Variants in PCDHGC5 observed in about 807,000 individuals in gnomAD.
The protein encoded by PCDHGC5 is protocadherin gamma-C5.
PCDHGC5 carries 25 observed loss-of-function variants against 59.0 expected under a neutral mutation model. The ratio of observed to expected loss-of-function variants is 0.42; its 90% CI spans 0.31 to 0.59. The LOEUF (loss-of-function observed/expected upper bound fraction) is 0.59. PCDHGC5 is among the 20% of genes least tolerant of loss of function. The pLI, the probability that PCDHGC5 is intolerant of heterozygous loss-of-function variation, is 0.13. For synonymous variants in PCDHGC5, 434 were observed against 505.5 expected (o/e 0.86, Z 1.90); for missense variants, 1,067 against 1,206.4 (o/e 0.88, Z 1.71).
intron 2 of PCDHGC5, among the ~76,000 whole-genome samples, chr5:141,499,689 CTTTTTT>C (rs545067566): frequency 3.3e-5 from 4 of 119,854 alleles, no homozygotes; most frequent in Admixed American, 8.7e-5. Flanking sequence ...TAACAGATGA[CTTTTTT>C]TTTTTTTTTT....
chr5:141,494,985 C>A, intron 2 of PCDHGC5, 120 bp downstream of exon 2: 1 of 1,559,680 alleles, frequency 6.4e-7, no homozygotes. Context: ...AGTTTGAGAT[C>A]CCAGGGAGGT....
At chr5:141,507,183 C>T (rs2099859036) in intron 3 of PCDHGC5, 1 of 152,428 alleles carries the variant, frequency 6.6e-6, no homozygotes, top group Non-Finnish European at 1.5e-5. Flanking sequence ...TCCTCGAGCT[C>T]TGCTTTATTC....
chr5:141,491,802 G>C lies in PCDHGC5; in HGVS notation c.2460+102G>C, dbSNP rs759587995. 1 of 1,497,480 alleles carries C rather than the reference G, an allele frequency of 6.7e-7. No homozygotes were observed. The highest frequency in any genetic ancestry group is 1.3e-5 in the South Asian group (1 of 74,938). The allele number at this position is 1,497,480 out of a possible 1,614,324, so 92.8% of individuals were successfully genotyped here. A position where few individuals can be genotyped will look rare whatever the true frequency, so the allele number is the denominator to read the frequency against. On this transcript the variant is annotated intron_variant, in intron 1 of 3. Coordinates refer to ENST00000252087, the MANE Select transcript of PCDHGC5 (RefSeq NM_018929.3). The surrounding 1 kb of genome is among the most constrained non-coding windows in gnomAD (Gnocchi z 6.9). ...ACTTGCATCCACTCCTCTCCGGCCG[G>C]CTTGGTCGCTGGCTGCGCTCCACCC...
chr5:141,495,977 T>C (rs2099765025), intron 2 of PCDHGC5, among the ~76,000 whole-genome samples: 1 of 152,174 alleles, frequency 6.6e-6, no homozygotes, highest in Admixed American at 6.5e-5. Flanking sequence ...TCTGTTACTC[T>C]TTCTTTATCT....
chr5:141,490,313 C>G lies in PCDHGC5; in HGVS notation c.1073C>G (p.Pro358Arg). The G allele has an allele frequency of 6.2e-7, 1 of 1,614,222 alleles. No individual in the cohort carries two copies. The highest frequency in any genetic ancestry group is 8.5e-7 in the Non-Finnish European group (1 of 1,180,024). ...PEVLLASLAN[P>R]VLESTPVGTV... Reference sequence around the variant, plus strand: ...GTGCTATTGGCCTCTTTGGCCAACCCTGTCCTAGAGAGCACACCAGTGGGC... The same window carrying G: ...GTGCTATTGGCCTCTTTGGCCAACCGTGTCCTAGAGAGCACACCAGTGGGC... Residue 358 changes from proline to arginine, a missense_variant, in exon 1 of 4, where the codon CCT (proline) becomes CGT (arginine). Pro to Arg is a moderately radical substitution (Grantham distance 103). Transcript: ENST00000252087. The surrounding 1 kb of genome is among the most constrained non-coding windows in gnomAD (Gnocchi z 5.4).
Position 141,498,971 on chromosome 5 carries a change from GGGAAGGAAGGAAGGAAGGAAGGAA to G in PCDHGC5, c.2519+4140_2519+4163del, listed in dbSNP as rs201769957. 5.1e-3 allele frequency among the ~76,000 whole-genome samples: 569 copies of G among 111,048 alleles called. 6 individuals carry two copies. Among genetic ancestry groups the G allele is most frequent in the South Asian group, 0.024 (65 of 2,658 alleles). 72.9% of individuals were successfully genotyped at this position (111,048 alleles called of 152,430 possible). A position where few individuals can be genotyped will look rare whatever the true frequency, so the allele number is the denominator to read the frequency against. On this transcript the variant is annotated intron_variant, in intron 2 of 3. Coordinates refer to ENST00000252087, the MANE Select transcript of PCDHGC5 (RefSeq NM_018929.3). ...AAAAAGAGAGAGAGGGAGGGAGGGA[GGGAAGGAAGGAAGGAAGGAAGGAA>G]GGAAGGAAGGAAGGAAGGAAGGAAG...
Position 141,511,409 on chromosome 5 carries a change from G to C in PCDHGC5, c.*236G>C, listed in dbSNP as rs999907393. On this transcript the variant is annotated 3_prime_UTR_variant, in exon 4 of 4. Coordinates refer to ENST00000252087, the MANE Select transcript of PCDHGC5 (RefSeq NM_018929.3). Reference sequence around the variant, plus strand: ...GGGAACCCCCATCCAATCAACTGCTGTACCCATGGGGGTAGTGGGGTTACT... The same window carrying C: ...GGGAACCCCCATCCAATCAACTGCTCTACCCATGGGGGTAGTGGGGTTACT... The C allele has an allele frequency of 1.1e-6, 1 of 908,516 alleles. No homozygotes were observed. The highest frequency in any genetic ancestry group is 1.7e-5 in the African/African-American group (1 of 59,504). The allele number at this position is 908,516 out of a possible 1,614,324, so 56.3% of individuals were successfully genotyped here.
At position 141,498,794 on chromosome 5, in the gene PCDHGC5, G is replaced by A. The variant is rs184257963; in HGVS notation, c.2519+3929G>A. ...TAAAAATACAAAATATTAGCCAGGT[G>A]TGGTGGTGCACACCTGTAGTCCCAG... On this transcript the variant is annotated intron_variant, in intron 2 of 3. Transcript: ENST00000252087. Among the ~76,000 whole-genome samples the A allele has an allele frequency of 7.9e-5, 12 of 152,224 alleles. No individual in the cohort carries two copies. The East Asian group carries it at 2.3e-3, about 30-fold the overall frequency.
intron 2 of PCDHGC5, among the ~76,000 whole-genome samples, chr5:141,503,361 C>T (rs1021880248): frequency 6.6e-6 from 1 of 151,886 alleles, no homozygotes; most frequent in Non-Finnish European, 1.5e-5. Context: ...CTTTGGGAAG[C>T]GGAGGCAGGT....
In PCDHGC5 at chr5:141,511,116, G is replaced by A. The variant is rs2099883616; in HGVS notation, c.2778G>A (p.Lys926=). Residue 926 remains lysine, a synonymous_variant, in exon 4 of 4, where the codon AAG becomes AAA. Transcript: ENST00000252087. The stretch of plus-strand genomic sequence containing the variant: ...ACGCAGCTGGCAAGCGGGATGGCAA[G>A]GCCCCAGCAGGTGGCAATGGCAACA... ...LTNAAGKRDG[K]APAGGNGNKK... The A allele has an allele frequency of 1.9e-6, 3 of 1,614,234 alleles. No individual in the cohort carries two copies. The highest frequency in any genetic ancestry group is 2.5e-6 in the Non-Finnish European group (3 of 1,180,026).
chr5:141,505,413 C>G lies in PCDHGC5; in HGVS notation c.2540C>G (p.Thr847Ser). ...CCCAGCTCCCAAAATGGCGATGACA[C>G]CGGCACCTGGCCCAACAACCAGTTT... Reference protein sequence around the residue: ...GTSGSQNGDDTGTWPNNQFDT... With the variant: ...GTSGSQNGDDSGTWPNNQFDT... Residue 847 changes from threonine to serine, a missense_variant, in exon 3 of 4, where the codon ACC (threonine) becomes AGC (serine). Physicochemically the swap from Thr to Ser is moderately conservative, Grantham distance 58. Coordinates refer to ENST00000252087, the MANE Select transcript of PCDHGC5 (RefSeq NM_018929.3). 2.5e-6 allele frequency: 4 copies of G among 1,614,202 alleles called. No individual in the cohort carries two copies. In the South Asian group the frequency reaches 4.4e-5, roughly 18 times the overall value.
chr5:141,507,101 T>C (rs1341285140), intron 3 of PCDHGC5: 2 of 152,204 alleles, frequency 1.3e-5, no homozygotes, highest in African/African-American at 2.4e-5. Flanking sequence ...CTTTCTACTA[T>C]AGGGACCATG....
At chr5:141,507,432 C>T (rs2099860585) in intron 3 of PCDHGC5, 1 of 152,198 alleles carries the variant, frequency 6.6e-6, no homozygotes. Flanking sequence ...GGGGCCAGGC[C>T]TACAGCTGAC....
intron 2 of PCDHGC5, among the ~76,000 whole-genome samples, chr5:141,497,336 A>G (rs558221190): frequency 1.6e-3 from 251 of 152,122 alleles, no homozygotes; most frequent in Non-Finnish European, 2.8e-3. Flanking sequence ...TTCACCATTG[A>G]ACCTGGAAGC....
At chr5:141,507,563 G>A (rs2099861587) in intron 3 of PCDHGC5, among the ~76,000 whole-genome samples, 1 of 152,222 alleles carries the variant, frequency 6.6e-6, no homozygotes, top group Non-Finnish European at 1.5e-5. Flanking sequence ...CAGGCGGCTG[G>A]GTCTGAGGAG....
chr5:141,492,303 G>A (rs969991314), intron 1 of PCDHGC5, among the ~76,000 whole-genome samples: 1 of 152,202 alleles, frequency 6.6e-6, no homozygotes, highest in African/African-American at 2.4e-5. Context: ...GCGGACGCAC[G>A]CACGCACTCC....
chr5:141,506,444 CAAAAAA>C (rs1219684339), intron 3 of PCDHGC5, among the ~76,000 whole-genome samples: 1 of 95,026 alleles, frequency 1.1e-5, no homozygotes, highest in African/African-American at 4.0e-5. Flanking sequence ...CGCTCTGTCT[CAAAAAA>C]AAAAAAAAAA....
rs1422052114 is a variant in PCDHGC5, at chr5:141,511,168, A to T, written c.2830A>T (p.Lys944Ter). The change falls in exon 4 of 4, where the codon AAG (lysine) becomes TAG (stop). Residue 944 changes from lysine to a stop codon, truncating the protein, a stop_gained. Coordinates refer to ENST00000252087, the MANE Select transcript of PCDHGC5 (RefSeq NM_018929.3). LOFTEE classifies it high-confidence loss of function. ...GAAGAAGTCGGGCAAGAAGGAGAAG[A>T]AGTAACATGGAGGCCAGGCCAAGAG... is the stretch of plus-strand genomic sequence containing the variant. The part of the protein sequence containing the change: ...NKKKSGKKEK[K>*] 1.4e-5 allele frequency: 22 copies of T among 1,614,038 alleles called. No individual in the cohort carries two copies. The highest frequency in any genetic ancestry group is 1.7e-5 in the Non-Finnish European group (20 of 1,180,008).
Position 141,493,836 on chromosome 5 carries a change from A to G in PCDHGC5, c.2461-971A>G, listed in dbSNP as rs1411929024. Among the ~76,000 whole-genome samples the G allele has an allele frequency of 6.6e-6, 1 of 152,194 alleles. No individual in the cohort carries two copies. Among genetic ancestry groups the G allele is most frequent in the Non-Finnish European group, 1.5e-5 (1 of 68,038 alleles). On this transcript the variant is annotated intron_variant, in intron 1 of 3. Transcript: ENST00000252087. This position sits in a 1 kb window ranked among gnomAD's most constrained non-coding sequence, Gnocchi z 4.3. ...ACACTCTCTGCTTCTGGGAGCAAGT[A>G]TGAGTATTAATTACCAGCCCACCCC...
Sources: allele counts gnomAD v4.1 joint callset (sites outside exome capture counted in the v4.1 genomes callset), GRCh38; gene constraint gnomAD v4.1.1; non-coding constraint Gnocchi (gnomAD v3.1); transcripts MANE v1.5; gene names NCBI Gene and HGNC (gene_info 2026-07-23, HGNC 2026-07-21).